Variants in REEP4 observed in about 807,000 individuals in gnomAD.
REEP4 encodes receptor expression-enhancing protein 4.
A neutral mutation model predicts 33.5 loss-of-function variants in REEP4; 17 were observed. That is an observed-to-expected ratio of 0.51 (90% CI 0.35 to 0.76). The LOEUF is 0.76. Ranked by LOEUF, REEP4 falls within the 30% of genes least tolerant of loss-of-function variation. The pLI, the probability that REEP4 is intolerant of heterozygous loss-of-function variation, is 0.01. For synonymous variants in REEP4, 157 were observed against 142.9 expected (o/e 1.10, Z -0.70); for missense variants, 340 against 357.9 (o/e 0.95, Z 0.40).
At chr8:22,141,403 C>G (rs779459795) in intron 1 of REEP4, 48 bp downstream of exon 1, 3 of 1,585,858 alleles carry the variant, frequency 1.9e-6, no homozygotes, top group Non-Finnish European at 2.6e-6. Flanking sequence ...ACCACAGGGG[C>G]GGGACGGCAC....
At position 22,138,666 on chromosome 8, in the gene REEP4, C is replaced by G. The variant is rs374145719; in HGVS notation, c.681G>C (p.Val227=). 1.2e-6 allele frequency: 2 copies of G among 1,613,886 alleles called. No individual in the cohort carries two copies. The highest frequency in any genetic ancestry group is 1.7e-6 in the Non-Finnish European group (2 of 1,180,026). The part of the protein sequence containing the change: ...KPLIRSQSLR[V]VKRKPPVREG... Reference sequence around the variant, plus strand: ...CCCGCACCGGTGGCTTCCTCTTGACCACACGCAGGCTCTGGCTGCGGATTA... The same window carrying G: ...CCCGCACCGGTGGCTTCCTCTTGACGACACGCAGGCTCTGGCTGCGGATTA... The change falls in exon 7 of 8, where the codon GTG becomes GTC. Residue 227 remains valine, a synonymous_variant. Coordinates refer to ENST00000306306, the MANE Select transcript of REEP4 (RefSeq NM_025232.4).
chr8:22,138,051 C>T lies in REEP4; in HGVS notation c.*436G>A, dbSNP rs1361928233. On this transcript the variant is annotated 3_prime_UTR_variant, in exon 8 of 8. Coordinates refer to ENST00000306306, the MANE Select transcript of REEP4 (RefSeq NM_025232.4). The stretch of plus-strand genomic sequence containing the variant: ...TTATGTATTTATTTATCAAAACACT[C>T]GCAAACCTGACCTCACTCACCAACA... 3 of 466,602 alleles carry T rather than the reference C, an allele frequency of 6.4e-6. No homozygotes were observed. The highest frequency in any genetic ancestry group is 3.8e-5 in the East Asian group (1 of 26,400). 28.9% of individuals were successfully genotyped at this position (466,602 alleles called of 1,614,324 possible).
At chr8:22,139,804 C>T in intron 4 of REEP4, 159 bp downstream of exon 4, 1 of 922,924 alleles carries the variant, frequency 1.1e-6, no homozygotes, top group African/African-American at 1.7e-5. Flanking sequence ...CTGATTATCC[C>T]AGAAGATGAG....
Position 22,141,549 on chromosome 8 carries a change from T to A in REEP4, c.-67A>T. On this transcript the variant is annotated 5_prime_UTR_variant, in exon 1 of 8. Transcript: ENST00000306306. The stretch of plus-strand genomic sequence containing the variant: ...CTCAGAAGGACGTTCACTCAAGGGC[T>A]GGGACGGGGGGTGATCAGGGCAGTT... The A allele has an allele frequency of 6.5e-7, 1 of 1,538,898 alleles. No homozygotes were observed.
In REEP4 at chr8:22,140,713, T is replaced by C. The variant is rs754771366; in HGVS notation, c.33-16A>G. 2 of 1,607,096 alleles carry C rather than the reference T, an allele frequency of 1.2e-6. No homozygotes were observed. Among genetic ancestry groups the C allele is most frequent in the African/African-American group, 1.3e-5 (1 of 74,862 alleles). On this transcript the variant is annotated splice_polypyrimidine_tract_variant and intron_variant, in intron 1 of 7. Coordinates refer to ENST00000306306, the MANE Select transcript of REEP4 (RefSeq NM_025232.4). ...AAACACCAGCCTGGAAGAGCAGCCA[T>C]GGGGAGTGTGAGGGGCACCATGCCC...
At chr8:22,141,017 C>T (rs1286584442) in intron 1 of REEP4, among the ~76,000 whole-genome samples, 4 of 152,252 alleles carry the variant, frequency 2.6e-5, no homozygotes, top group Non-Finnish European at 2.9e-5. Context: ...GGTCACCAGA[C>T]CTGACACTGC....
rs1252374156 is a variant in REEP4, at chr8:22,141,829, G to A, written c.-347C>T. On this transcript the variant is annotated 5_prime_UTR_variant, in exon 1 of 8. Transcript: ENST00000306306. The stretch of plus-strand genomic sequence containing the variant: ...GTCCCGCGCTGGAGCGGGTCGCCGC[G>A]GTTCCAGCGCGCCGGGCCACCAGCA... 9.9e-6 allele frequency: 3 copies of A among 302,542 alleles called. No individual in the cohort carries two copies. The highest frequency in any genetic ancestry group is 9.1e-5 in the South Asian group (1 of 10,986). 18.7% of individuals were successfully genotyped at this position (302,542 alleles called of 1,614,324 possible). A position where few individuals can be genotyped will look rare whatever the true frequency, so the allele number is the denominator to read the frequency against.
rs1027178920 is a variant in REEP4 at position 22,141,610 on chromosome 8, C to A, written c.-128G>T. 3 of 986,260 alleles carry A rather than the reference C, an allele frequency of 3.0e-6. No individual in the cohort carries two copies. The highest frequency in any genetic ancestry group is 1.7e-5 in the African/African-American group (1 of 59,360). 61.1% of individuals were successfully genotyped at this position (986,260 alleles called of 1,614,324 possible). ...GAGGGGCGATCCGGCTGTCCCTCGG[C>A]GGAGGCAGAGCCCGCCGCCCACGGC... On this transcript the variant is annotated 5_prime_UTR_variant, in exon 1 of 8. Coordinates refer to ENST00000306306, the MANE Select transcript of REEP4 (RefSeq NM_025232.4).
intron 2 of REEP4, 23 bp downstream of exon 2, chr8:22,140,602 C>T: frequency 6.2e-7 from 1 of 1,607,058 alleles, no homozygotes; most frequent in East Asian, 2.2e-5. Flanking sequence ...TCCTATTAAA[C>T]ACACCCAAAC....
chr8:22,138,449 C>T lies in REEP4; in HGVS notation c.*38G>A. On this transcript the variant is annotated 3_prime_UTR_variant, in exon 8 of 8. Transcript: ENST00000306306. The stretch of plus-strand genomic sequence containing the variant: ...CCCTCCAAATAGCCCTGGAGCCCTG[C>T]AGGGCACGAGGTAAGAAGGGGGCAG... 6.2e-7 allele frequency: 1 copy of T among 1,610,080 alleles called. No homozygotes were observed.
At chr8:22,138,870 G>A (rs780960716) in intron 6 of REEP4, 56 bp downstream of exon 6, 13 of 1,550,178 alleles carry the variant, frequency 8.4e-6, no homozygotes, top group Non-Finnish European at 1.0e-5. Flanking sequence ...AAGCCATGGT[G>A]TGAGTGAAGG....
rs767250501 is a variant in REEP4, at chr8:22,141,512, C to G, written c.-30G>C. On this transcript the variant is annotated 5_prime_UTR_variant, in exon 1 of 8. Transcript: ENST00000306306. ...CCGGCCTTTGGGACGTGGGGAGGACCCCAGGAAGCCGCTCAGAAGGACGTT... is the reference window on the plus strand; with the variant it reads ...CCGGCCTTTGGGACGTGGGGAGGACGCCAGGAAGCCGCTCAGAAGGACGTT... 2 of 1,585,548 alleles carry G rather than the reference C, an allele frequency of 1.3e-6. No individual in the cohort carries two copies.
Position 22,138,993 on chromosome 8 carries a change from T to C in REEP4, c.486A>G (p.Ala162=). The C allele has an allele frequency of 6.2e-7, 1 of 1,607,712 alleles. No homozygotes were observed. Among genetic ancestry groups the C allele is most frequent in the Non-Finnish European group, 8.5e-7 (1 of 1,177,524 alleles). Residue 162 remains alanine (A), a synonymous_variant, in exon 6 of 8, where the codon GCA becomes GCG. Coordinates refer to ENST00000306306, the MANE Select transcript of REEP4 (RefSeq NM_025232.4). ...GGGGGTCATGGTAGGCAGGGGCAGGTGCGTCAGAGATGGAGCGCAGGTCCT... is the reference window on the plus strand; with the variant it reads ...GGGGGTCATGGTAGGCAGGGGCAGGCGCGTCAGAGATGGAGCGCAGGTCCT... The part of the protein sequence containing the change: ...SMQDLRSISD[A]PAPAYHDPLY...
At chr8:22,139,842 C>T (rs540343154) in intron 4 of REEP4, 121 bp downstream of exon 4, 2 of 1,236,534 alleles carry the variant, frequency 1.6e-6, no homozygotes, top group Non-Finnish European at 2.3e-6. Flanking sequence ...AAGGTCCTGC[C>T]CCTCAATAGC....
chr8:22,141,337 G>C, intron 1 of REEP4, 114 bp downstream of exon 1: 1 of 1,270,764 alleles, frequency 7.9e-7, no homozygotes, highest in Non-Finnish European at 1.1e-6. Flanking sequence ...CTTGCATGGA[G>C]TGCTGGAGGG....
intron 1 of REEP4, among the ~76,000 whole-genome samples, chr8:22,141,123 C>T (rs1166953995): frequency 1.3e-5 from 2 of 152,264 alleles, no homozygotes; most frequent in Non-Finnish European, 2.9e-5. Context: ...GGCAAGCAGG[C>T]ACCTGGATTC....
intron 1 of REEP4, among the ~76,000 whole-genome samples, chr8:22,141,147 T>C (rs1827223612): frequency 6.6e-6 from 1 of 152,262 alleles, no homozygotes; most frequent in Non-Finnish European, 1.5e-5. Context: ...GCCCACAACG[T>C]GCCATATCAC....
Position 22,139,743 on chromosome 8 carries a change from C to A in REEP4, c.304-214G>T, listed in dbSNP as rs187000389. ...GGCCATGCTCCAGCTGCCGCCACCA[C>A]TACCCCCAAACCAATTTCCATCCTC... is the stretch of plus-strand genomic sequence containing the variant. On this transcript the variant is annotated intron_variant, in intron 4 of 7. Transcript: ENST00000306306. 323 of 704,058 alleles carry A rather than the reference C, an allele frequency of 4.6e-4. 1 individual carries two copies. In the African/African-American group the frequency reaches 5.4e-3, roughly 12 times the overall value. 43.6% of individuals were successfully genotyped at this position (704,058 alleles called of 1,614,324 possible).
rs761400910 is a variant in REEP4 at position 22,141,466 on chromosome 8, A to T, written c.17T>A (p.Ile6Asn). 14 of 1,599,960 alleles carry T rather than the reference A, an allele frequency of 8.8e-6. No homozygotes were observed. The highest frequency in any genetic ancestry group is 1.2e-5 in the Non-Finnish European group (14 of 1,174,046). MVSWM[I>N]CRLVVLVFGM... ...CCATACTCACACCACCAGGCGACAGATCATCCAGGACACCATCTTGCCGGC... is the reference window on the plus strand; with the variant it reads ...CCATACTCACACCACCAGGCGACAGTTCATCCAGGACACCATCTTGCCGGC... Residue 6 changes from isoleucine to asparagine, a missense_variant, in exon 1 of 8, where the codon ATC (isoleucine) becomes AAC (asparagine). Ile to Asn is a moderately radical substitution (Grantham distance 149). Transcript: ENST00000306306.
Sources: allele counts gnomAD v4.1 joint callset (sites outside exome capture counted in the v4.1 genomes callset), GRCh38; gene constraint gnomAD v4.1.1; transcripts MANE v1.5; gene names NCBI Gene and HGNC (gene_info 2026-07-23, HGNC 2026-07-21).